The following TBC1D5 variants were observed in gnomAD, a reference collection of about 807,000 sequenced individuals.
The protein encoded by TBC1D5 is TBC1 domain family, member 5.
Under a neutral mutation model 100.3 loss-of-function variants are expected in TBC1D5, and 75 were observed. The ratio of observed to expected loss-of-function variants is 0.75; its 90% CI spans 0.62 to 0.91. The LOEUF (loss-of-function observed/expected upper bound fraction) is 0.91. Ranked by LOEUF, TBC1D5 falls within the 40% of genes least tolerant of loss-of-function variation. The pLI is 0.00. For missense variants in TBC1D5, 910 were observed against 942.4 expected, an observed-to-expected ratio of 0.97 and a Z score of 0.45; for synonymous variants, 323 against 325.6, an observed-to-expected ratio of 0.99 and a Z score of 0.09.
intron 15 of TBC1D5, among the ~76,000 whole-genome samples, chr3:17,272,115 G>A (rs1015922317): frequency 3.3e-5 from 5 of 152,272 alleles, no homozygotes; most frequent in Admixed American, 2.6e-4. Flanking sequence ...GCAGCTTAGT[G>A]AAGAAAGAAT....
intron 2 of TBC1D5, among the ~76,000 whole-genome samples, chr3:17,525,923 G>A (rs768603613): frequency 3.3e-5 from 5 of 152,114 alleles, no homozygotes; most frequent in Non-Finnish European, 5.9e-5. Context: ...ATATCCGTCG[G>A]AACAGATTCT....
intron 13 of TBC1D5, among the ~76,000 whole-genome samples, chr3:17,354,627 T>C (rs912900594): frequency 6.6e-6 from 1 of 151,952 alleles, no homozygotes; most frequent in Non-Finnish European, 1.5e-5. Context: ...GATGAAAACC[T>C]TGGCCAGCTG....
chr3:17,595,694 C>CAAGT (rs10640503), intron 2 of TBC1D5, among the ~76,000 whole-genome samples: 152,253 of 152,256 alleles, frequency 1, 76,125 homozygotes, highest in Middle Eastern at 1. Flanking sequence ...ATTAGAAAAG[C>CAAGT]AAGTGATAAA....
At chr3:17,653,583 A>C (rs925842247) in intron 1 of TBC1D5, among the ~76,000 whole-genome samples, 1 of 152,174 alleles carries the variant, frequency 6.6e-6, no homozygotes. Context: ...GGGTAGACTA[A>C]GGAGACATAA....
At chr3:17,600,201 A>G (rs982108571) in intron 2 of TBC1D5, among the ~76,000 whole-genome samples, 4 of 140,492 alleles carry the variant, frequency 2.8e-5, no homozygotes, top group African/African-American at 1.1e-4. Context: ...TGTGATCTCT[A>G]TGATTCATAT....
At chr3:17,264,047 C>T (rs1448539800) in intron 15 of TBC1D5, among the ~76,000 whole-genome samples, 2 of 152,126 alleles carry the variant, frequency 1.3e-5, no homozygotes, top group Non-Finnish European at 2.9e-5. Context: ...CTTGGCCATA[C>T]TCTGCACTCT....
At chr3:17,234,420 A>T (rs577241217) in intron 17 of TBC1D5, among the ~76,000 whole-genome samples, 1 of 135,574 alleles carries the variant, frequency 7.4e-6, no homozygotes, top group South Asian at 2.3e-4. Flanking sequence ...AAATATAGAC[A>T]AAGGAAACAG....
chr3:17,276,310 C>T (rs1559535150), intron 15 of TBC1D5, among the ~76,000 whole-genome samples: 1 of 152,142 alleles, frequency 6.6e-6, no homozygotes. Flanking sequence ...ACAAAGGCCC[C>T]ACCTCCTAGT....
chr3:17,677,025 G>A (rs1300703124), intron 1 of TBC1D5, among the ~76,000 whole-genome samples: 1 of 152,096 alleles, frequency 6.6e-6, no homozygotes, highest in Non-Finnish European at 1.5e-5. Context: ...AGACTTAAAT[G>A]TTAGACCTAA....
At chr3:17,459,329 T>C (rs754268713) in intron 3 of TBC1D5, among the ~76,000 whole-genome samples, 3 of 151,884 alleles carry the variant, frequency 2.0e-5, no homozygotes, top group Non-Finnish European at 4.4e-5. Context: ...TCATAAGGAG[T>C]GTGCAACCCA....
At chr3:17,710,361 T>G (rs553259994) in intron 1 of TBC1D5, among the ~76,000 whole-genome samples, 105 of 152,100 alleles carry the variant, frequency 6.9e-4, no homozygotes, top group African/African-American at 2.3e-3. Flanking sequence ...GGTCAGGAGT[T>G]CAAGACCAGC....
intron 3 of TBC1D5, among the ~76,000 whole-genome samples, chr3:17,506,326 G>C (rs2095844975): frequency 6.6e-6 from 1 of 152,106 alleles, no homozygotes; most frequent in African/African-American, 2.4e-5. Flanking sequence ...AGCCCACTAT[G>C]GTTAGTAACC....
chr3:17,182,084 CTT>C (rs1394344064), intron 19 of TBC1D5, among the ~76,000 whole-genome samples: 1 of 152,164 alleles, frequency 6.6e-6, no homozygotes. Flanking sequence ...ATCAAGTCAA[CTT>C]AATCTTCGTG....
intron 2 of TBC1D5, among the ~76,000 whole-genome samples, chr3:17,577,319 C>T (rs932909468): frequency 2.6e-5 from 4 of 151,982 alleles, no homozygotes; most frequent in Admixed American, 6.6e-5. Flanking sequence ...CATCTTAGTA[C>T]TTTAAAGACA....
intron 3 of TBC1D5, among the ~76,000 whole-genome samples, chr3:17,455,528 A>ATG (rs1466571973): frequency 0.032 from 3,260 of 102,502 alleles, 81 homozygotes; most frequent in African/African-American, 0.11. Context: ...ATATATATAT[A>ATG]TATGTGTGTG....
intron 18 of TBC1D5, among the ~76,000 whole-genome samples, chr3:17,191,659 C>T (rs1288959311): frequency 6.6e-6 from 1 of 152,094 alleles, no homozygotes; most frequent in African/African-American, 2.4e-5. Flanking sequence ...CTCTGTTGCC[C>T]AGGCTGGAGT....
At chr3:17,568,066 G>A (rs2096604275) in intron 2 of TBC1D5, among the ~76,000 whole-genome samples, 1 of 151,490 alleles carries the variant, frequency 6.6e-6, no homozygotes, top group South Asian at 2.1e-4. Flanking sequence ...TAATGTTCTA[G>A]CAAGCATTTA....
At chr3:17,437,731 G>C (rs1384892990) in intron 3 of TBC1D5, among the ~76,000 whole-genome samples, 1 of 151,574 alleles carries the variant, frequency 6.6e-6, no homozygotes, top group African/African-American at 2.4e-5. Flanking sequence ...GGCAGAGAGA[G>C]AAAAGAGATT....
In TBC1D5 at chr3:17,712,845, ATAAAT is replaced by A. The variant is rs1163912793; in HGVS notation, c.-101+26493_-101+26497del. Among the ~76,000 whole-genome samples the A allele has an allele frequency of 1.3e-4, 20 of 152,240 alleles. 1 individual carries two copies. Among genetic ancestry groups the A allele is most frequent in the East Asian group, 1.2e-3 (6 of 5,196 alleles). Reference sequence around the variant, plus strand: ...GAATCAGCATTTTAAGGTGAAATAAATAAATTAAATAGTCAGTAATTCTGAGAGCA... The same window carrying A: ...GAATCAGCATTTTAAGGTGAAATAAATAAATAGTCAGTAATTCTGAGAGCA... On this transcript the variant is annotated intron_variant, in intron 1 of 21. Transcript: ENST00000253692.
Sources: gnomAD v4.1 joint callset for allele counts (sites outside exome capture counted in the v4.1 genomes callset) on GRCh38, gnomAD v4.1.1 for gene constraint, MANE v1.5 for transcripts, NCBI Gene and HGNC (gene_info 2026-07-23, HGNC 2026-07-21) for gene names.